The following GLRA1 variants were observed in gnomAD, a reference collection of about 807,000 sequenced individuals.
The protein encoded by GLRA1 is glycine receptor alpha 1, also known as glycine receptor subunit alpha-1.
A neutral mutation model predicts 48.3 loss-of-function variants in GLRA1; 37 were observed. The ratio of observed to expected loss-of-function variants is 0.77; its 90% CI spans 0.59 to 1.01. The LOEUF (loss-of-function observed/expected upper bound fraction) is 1.01. GLRA1 is among the 50% of genes least tolerant of loss of function. The probability of loss-of-function intolerance (pLI) is 0.00; values close to 1 mark genes in which losing one functional copy is unlikely to be tolerated. For missense variants in GLRA1, 427 were observed against 571.0 expected (o/e 0.75, Z 2.57); for synonymous variants, 196 against 210.7 (o/e 0.93, Z 0.60).
In GLRA1 at chr5:151,833,516, T is replaced by C. The variant is rs559499513; in HGVS notation, c.913-4449A>G. 3.9e-5 allele frequency among the ~76,000 whole-genome samples: 6 copies of C among 151,926 alleles called. No homozygotes were observed. The East Asian group carries it at 1.2e-3, about 29-fold the overall frequency. On this transcript the variant is annotated intron_variant, in intron 7 of 8. Transcript: ENST00000274576. ...GCTCTTGTTGCCCCCCAGGGTGGAG[T>C]GCAATGGCACGATCTCAGCTCGCCA...
intron 1 of GLRA1, among the ~76,000 whole-genome samples, chr5:151,913,962 C>T (rs929198058): frequency 2.0e-4 from 30 of 152,030 alleles, no homozygotes; most frequent in African/African-American, 6.3e-4. Flanking sequence ...AATATCAAAC[C>T]GTTAAGTGAT....
chr5:151,922,819 G>A (rs552527159), intron 1 of GLRA1, among the ~76,000 whole-genome samples: 2 of 152,352 alleles, frequency 1.3e-5, no homozygotes, highest in Admixed American at 1.3e-4. Context: ...AAGAGAGAGT[G>A]TGTGTGGGGA....
At chr5:151,848,882 A>G in intron 7 of GLRA1, 1 of 644,048 alleles carries the variant, frequency 1.6e-6, no homozygotes, top group Non-Finnish European at 3.0e-6. Context: ...AACACCTTCC[A>G]CCATGACCGC....
At chr5:151,924,190 G>A (rs1199288557) in intron 1 of GLRA1, among the ~76,000 whole-genome samples, 1 of 152,076 alleles carries the variant, frequency 6.6e-6, no homozygotes, top group Non-Finnish European at 1.5e-5. Context: ...CAGTGGGGCT[G>A]GGGACCAATA....
At chr5:151,873,220 ATT>A (rs1472315104) in intron 3 of GLRA1, among the ~76,000 whole-genome samples, 1 of 149,490 alleles carries the variant, frequency 6.7e-6, no homozygotes, top group Non-Finnish European at 1.5e-5. Flanking sequence ...GTAGAAATGG[ATT>A]TTAGGGCCTA....
rs1753552361 is a variant in GLRA1, at chr5:151,873,746, A to G, written c.252+12975T>C. The stretch of plus-strand genomic sequence containing the variant: ...TAAAAACAATGCTTTGAAATTCACT[A>G]ACCCAGAATAAGTATGGCCCCACTT... On this transcript the variant is annotated intron_variant, in intron 3 of 8. Coordinates refer to ENST00000274576, the MANE Select transcript of GLRA1 (RefSeq NM_000171.4). 2.0e-5 allele frequency among the ~76,000 whole-genome samples: 3 copies of G among 151,908 alleles called. No homozygotes were observed. In the South Asian group the frequency reaches 6.2e-4, roughly 31 times the overall value.
chr5:151,849,130 T>TTCTTTCTTTCTTTCTTTCTTTTCTTTC (rs1752781164), intron 7 of GLRA1: 1 of 210,516 alleles, frequency 4.8e-6, no homozygotes, highest in Non-Finnish European at 8.3e-6. Context: ...CTTTCTTTCT[T>TTCTTTCTTTCTTTCTTTCTTTTCTTTC]TCTTTCTTTC....
rs1256830772 is a variant in GLRA1, at chr5:151,858,807, CAGG to C, written c.476+975_476+977del. 8.5e-5 allele frequency among the ~76,000 whole-genome samples: 13 copies of C among 152,244 alleles called. No homozygotes were observed. The East Asian group carries it at 1.3e-3, about 16-fold the overall frequency. On this transcript the variant is annotated intron_variant, in intron 4 of 8. Coordinates refer to ENST00000274576, the MANE Select transcript of GLRA1 (RefSeq NM_000171.4). ...AACGTGTTTCCCTGAAGGACTGGAG[CAGG>C]AGGAGAAGACATTTAGGACCAGCGC...
At chr5:151,897,740 A>G (rs1456250593) in intron 1 of GLRA1, among the ~76,000 whole-genome samples, 1 of 152,246 alleles carries the variant, frequency 6.6e-6, no homozygotes, top group East Asian at 1.9e-4. Flanking sequence ...AGATCCTTAC[A>G]TCCTGAAGAG....
chr5:151,877,658 C>T (rs985145498), intron 3 of GLRA1, among the ~76,000 whole-genome samples: 9 of 152,084 alleles, frequency 5.9e-5, no homozygotes, highest in Admixed American at 2.0e-4. Flanking sequence ...ATCATGGGGG[C>T]GGGTCTTTCC....
intron 8 of GLRA1, among the ~76,000 whole-genome samples, chr5:151,823,919 G>A (rs1273254006): frequency 1.3e-5 from 2 of 151,718 alleles, no homozygotes; most frequent in African/African-American, 2.4e-5. Flanking sequence ...CTTTGTTATC[G>A]TTGCATGTGA....
At chr5:151,893,084 A>C (rs2113418887) in intron 1 of GLRA1, among the ~76,000 whole-genome samples, 1 of 152,318 alleles carries the variant, frequency 6.6e-6, no homozygotes, top group South Asian at 2.1e-4. Flanking sequence ...AGGGACTGAC[A>C]TAGGACCCAG....
In GLRA1 at chr5:151,833,948, G is replaced by A. The variant is rs1003905068; in HGVS notation, c.913-4881C>T. ...AGAGCTAACTGTCCTAAATACATATGCACCCCATATACACCCAGATTCGTA... is the reference window on the plus strand; with the variant it reads ...AGAGCTAACTGTCCTAAATACATATACACCCCATATACACCCAGATTCGTA... On this transcript the variant is annotated intron_variant, in intron 7 of 8. Coordinates refer to ENST00000274576, the MANE Select transcript of GLRA1 (RefSeq NM_000171.4). Among the ~76,000 whole-genome samples, 6 of 152,108 alleles carry A rather than the reference G, an allele frequency of 3.9e-5. 1 individual carries two copies. Among genetic ancestry groups the A allele is most frequent in the Non-Finnish European group, 8.8e-5 (6 of 68,024 alleles).
At chr5:151,832,667 C>T (rs1245019120) in intron 7 of GLRA1, among the ~76,000 whole-genome samples, 5 of 152,152 alleles carry the variant, frequency 3.3e-5, no homozygotes, top group East Asian at 3.8e-4. Flanking sequence ...ACCAAACCTA[C>T]GTTCAGTTGG....
intron 3 of GLRA1, among the ~76,000 whole-genome samples, chr5:151,883,414 G>A (rs1248804437): frequency 7.0e-6 from 1 of 142,764 alleles, no homozygotes; most frequent in Non-Finnish European, 1.5e-5. Flanking sequence ...TTATAGCAGT[G>A]TGGCACAGAA....
At chr5:151,843,497 G>C (rs1024404258) in intron 7 of GLRA1, among the ~76,000 whole-genome samples, 3 of 151,976 alleles carry the variant, frequency 2.0e-5, no homozygotes, top group Non-Finnish European at 2.9e-5. Flanking sequence ...TCCTGACCTT[G>C]TGATCTGCCC....
At chr5:151,891,329 A>G (rs567653486) in intron 2 of GLRA1, among the ~76,000 whole-genome samples, 1 of 152,374 alleles carries the variant, frequency 6.6e-6, no homozygotes, top group East Asian at 1.9e-4. Context: ...CTAAGTTCCC[A>G]TAGGGTTATG....
chr5:151,834,344 C>T (rs939750710), intron 7 of GLRA1, among the ~76,000 whole-genome samples: 60 of 152,114 alleles, frequency 3.9e-4, no homozygotes, highest in African/African-American at 9.2e-4. Context: ...CAAAACTCCA[C>T]GGAAACTAAA....
At chr5:151,856,450 G>T in intron 4 of GLRA1, 67 bp from the exon 5 acceptor site, 1 of 1,020,838 alleles carries the variant, frequency 9.8e-7, no homozygotes, top group Non-Finnish European at 1.6e-6. Flanking sequence ...CTCTATTCTA[G>T]TTATTGTTAG....
Sources: allele counts gnomAD v4.1 joint callset (sites outside exome capture counted in the v4.1 genomes callset), GRCh38; gene constraint gnomAD v4.1.1; transcripts MANE v1.5; gene names NCBI Gene and HGNC (gene_info 2026-07-23, HGNC 2026-07-21).